Variants in RELN observed in about 807,000 individuals in gnomAD.
RELN encodes reelin.
A neutral mutation model predicts 427.6 loss-of-function variants in RELN; 108 were observed. The observed-to-expected ratio is 0.25, with a 90% CI of 0.22 to 0.30. The LOEUF (loss-of-function observed/expected upper bound fraction) is 0.30, where lower values mean the gene tolerates loss of function less well. Among genes scored for constraint, RELN ranks in the 10% least tolerant of loss-of-function variants. RELN has a pLI of 1.00. For synonymous variants in RELN, 1,524 were observed against 1,513.4 expected, an observed-to-expected ratio of 1.01 and a Z score of -0.16; for missense variants, 3,715 against 4,302.8, an observed-to-expected ratio of 0.86 and a Z score of 3.82.
rs890354915 is a variant in RELN, at chr7:103,645,738, C to A, written c.2002+4536G>T. 2.0e-5 allele frequency among the ~76,000 whole-genome samples: 3 copies of A among 151,652 alleles called. No homozygotes were observed. The East Asian group carries it at 5.8e-4, about 29-fold the overall frequency. On this transcript the variant is annotated intron_variant, in intron 16 of 64. Transcript: ENST00000428762. ...CATACAGATCACTGAGACAGAAATT[C>A]AACAAATAAACACTGGACTTAAATT... is the stretch of plus-strand genomic sequence containing the variant.
Position 103,749,480 on chromosome 7 carries a change from A to T in RELN, c.602T>A (p.Ile201Asn). ...HLAEIHSDSIILRDDFDSYHQ... is the reference protein window; with the variant it reads ...HLAEIHSDSINLRDDFDSYHQ... ...GTAGGAGTCAAAGTCATCTCTCAGGATAATGCTGTCACTATGTATTTCAGC... is the reference window on the plus strand; with the variant it reads ...GTAGGAGTCAAAGTCATCTCTCAGGTTAATGCTGTCACTATGTATTTCAGC... Residue 201 changes from isoleucine (I) to asparagine (N), a missense_variant, in exon 6 of 65, where the codon ATC becomes AAC. Coordinates refer to ENST00000428762, the MANE Select transcript of RELN (RefSeq NM_005045.4). 1 of 1,612,860 alleles carries T rather than the reference A, an allele frequency of 6.2e-7. No homozygotes were observed. Among genetic ancestry groups the T allele is most frequent in the Non-Finnish European group, 8.5e-7 (1 of 1,178,900 alleles).
Position 103,539,115 on chromosome 7 carries a change from G to A in RELN, c.7143C>T (p.Asp2381=). The A allele has an allele frequency of 6.2e-7, 1 of 1,614,196 alleles. No individual in the cohort carries two copies. Among genetic ancestry groups the A allele is most frequent in the Non-Finnish European group, 8.5e-7 (1 of 1,180,016 alleles). ...CTGTGACTGAGCAGGAGGCAGCGAA[G>A]TCTATCTGTAGGAAGGAATCCTCAT... ...AVNEDSFLQI[D]FAASCSVTDS... is the part of the protein sequence containing the mutation. The change falls in exon 45 of 65, where the codon GAC becomes GAT. Residue 2381 remains aspartate (D), a synonymous_variant. Coordinates refer to ENST00000428762, the MANE Select transcript of RELN (RefSeq NM_005045.4).
intron 1 of RELN, among the ~76,000 whole-genome samples, chr7:103,975,277 TA>T (rs1337696865): frequency 6.6e-6 from 1 of 152,222 alleles, no homozygotes; most frequent in Non-Finnish European, 1.5e-5. Context: ...GCTCACTGAT[TA>T]AATAAAAATG....
chr7:103,596,759 T>A, intron 24 of RELN, 98 bp from the exon 25 acceptor site: 2 of 1,033,948 alleles, frequency 1.9e-6, no homozygotes, highest in Non-Finnish European at 3.0e-6. Context: ...TAGCACTATG[T>A]GGAAATGGTC....
chr7:103,602,573 A>T (rs1462115269), intron 24 of RELN, among the ~76,000 whole-genome samples: 1 of 152,142 alleles, frequency 6.6e-6, no homozygotes, highest in Non-Finnish European at 1.5e-5. Flanking sequence ...TAGCAAACTA[A>T]CACAAGAACA....
At position 103,500,725 on chromosome 7, in the gene RELN, G is replaced by T. The variant is rs778756204; in HGVS notation, c.8667+20C>A. 2 of 1,613,386 alleles carry T rather than the reference G, an allele frequency of 1.2e-6. No individual in the cohort carries two copies. Among genetic ancestry groups the T allele is most frequent in the Non-Finnish European group, 1.7e-6 (2 of 1,179,762 alleles). Reference sequence around the variant, plus strand: ...ACCCATGATGTGAGTAATGCGTCTTGTCCAGGGCTTTACCCTTACCTTCAG... The same window carrying T: ...ACCCATGATGTGAGTAATGCGTCTTTTCCAGGGCTTTACCCTTACCTTCAG... On this transcript the variant is annotated intron_variant, in intron 53 of 64. Coordinates refer to ENST00000428762, the MANE Select transcript of RELN (RefSeq NM_005045.4).
intron 12 of RELN, among the ~76,000 whole-genome samples, chr7:103,657,657 GA>G (rs1833050129): frequency 1.3e-5 from 2 of 152,034 alleles, no homozygotes; most frequent in Non-Finnish European, 2.9e-5. Context: ...AATGGCAGAA[GA>G]AAAAAGTCCT....
chr7:103,756,561 G>C (rs774460709), intron 4 of RELN, among the ~76,000 whole-genome samples: 3 of 152,190 alleles, frequency 2.0e-5, no homozygotes, highest in African/African-American at 7.2e-5. Flanking sequence ...CTACTCCTTA[G>C]TTGTAATATA....
chr7:103,533,551 G>A (rs1405988432), intron 46 of RELN, among the ~76,000 whole-genome samples: 2 of 152,070 alleles, frequency 1.3e-5, no homozygotes, highest in African/African-American at 4.8e-5. Context: ...ATTACCCAAA[G>A]GGCCTTGTTA....
At chr7:103,743,464 T>G (rs1019807676) in intron 6 of RELN, among the ~76,000 whole-genome samples, 1 of 152,170 alleles carries the variant, frequency 6.6e-6, no homozygotes, top group Non-Finnish European at 1.5e-5. Context: ...AGACACAGAC[T>G]GGCAAATTGG....
chr7:103,520,422 T>C (rs372983419), intron 48 of RELN, among the ~76,000 whole-genome samples: 1 of 152,002 alleles, frequency 6.6e-6, no homozygotes, highest in Non-Finnish European at 1.5e-5. Flanking sequence ...ACCACAGTTG[T>C]GTGCTACCAC....
chr7:103,938,105 G>A (rs996120193), intron 1 of RELN, among the ~76,000 whole-genome samples: 1 of 152,104 alleles, frequency 6.6e-6, no homozygotes, highest in African/African-American at 2.4e-5. Flanking sequence ...CACATCACTT[G>A]AGGTCAGGAG....
rs1409230136 is a variant in RELN, at chr7:103,561,537, T to C, written c.5524A>G (p.Lys1842Glu). The C allele has an allele frequency of 2.5e-6, 4 of 1,612,720 alleles. No individual in the cohort carries two copies. Among genetic ancestry groups the C allele is most frequent in the South Asian group, 1.1e-5 (1 of 91,050 alleles). ...GAATCTTATCTGTATCTGACCCCTT[T>C]AAAAATTAGAGATGTTCCAGATTTG... is the stretch of plus-strand genomic sequence containing the variant. ...TIKSGTSLIFKGEGLRMLISR... is the reference protein window; with the variant it reads ...TIKSGTSLIFEGEGLRMLISR... The change falls in exon 36 of 65, where the codon AAA becomes GAA. Residue 1842 changes from lysine (K) to glutamate (E), a missense_variant. This residue lies in a region of RELN where 2,208 missense variants were observed against 2,361.7 expected (regional missense o/e 0.93). Transcript: ENST00000428762.
chr7:103,507,316 A>G (rs1043186963), intron 51 of RELN, among the ~76,000 whole-genome samples: 9 of 152,224 alleles, frequency 5.9e-5, no homozygotes, highest in African/African-American at 2.2e-4. Context: ...AAAGAGCGGA[A>G]ATCATAACAA....
intron 2 of RELN, among the ~76,000 whole-genome samples, chr7:103,843,638 T>C (rs1342043249): frequency 6.6e-6 from 1 of 152,154 alleles, no homozygotes; most frequent in Non-Finnish European, 1.5e-5. Context: ...TGCCTAAATT[T>C]TTCATCAGTT....
At chr7:103,490,028 C>G in intron 59 of RELN, 129 bp from the exon 60 acceptor site, 1 of 1,051,904 alleles carries the variant, frequency 9.5e-7, no homozygotes, top group Admixed American at 2.0e-5. Flanking sequence ...CCTGAAGCAC[C>G]CTGCTGGCAG....
At chr7:103,489,062 A>T (rs1562845778) in intron 60 of RELN, among the ~76,000 whole-genome samples, 1 of 152,232 alleles carries the variant, frequency 6.6e-6, no homozygotes, top group African/African-American at 2.4e-5. Flanking sequence ...ATCAAAGGAA[A>T]GCAGGCCTGC....
intron 51 of RELN, among the ~76,000 whole-genome samples, chr7:103,504,809 G>C (rs1248241329): frequency 2.0e-5 from 3 of 152,196 alleles, no homozygotes; most frequent in Non-Finnish European, 4.4e-5. Flanking sequence ...ACGGAGCCCA[G>C]CAAGGTAAGA....
chr7:103,723,270 A>T, intron 7 of RELN, 79 bp from the exon 8 acceptor site: 1 of 818,506 alleles, frequency 1.2e-6, no homozygotes, highest in South Asian at 1.4e-5. Flanking sequence ...GGGTACGGGG[A>T]GGGGAAGAGT....
Sources: gnomAD v4.1 joint callset for allele counts (sites outside exome capture counted in the v4.1 genomes callset) on GRCh38, gnomAD v4.1.1 for gene constraint, gnomAD v4.1.1 regional missense constraint, MANE v1.5 for transcripts, NCBI Gene and HGNC (gene_info 2026-07-23, HGNC 2026-07-21) for gene names.